CPEB3: variants seen among roughly 807,000 people sequenced by gnomAD.
CPEB3 encodes cytoplasmic polyadenylation element-binding protein 3.
A neutral mutation model predicts 67.2 loss-of-function variants in CPEB3; 20 were observed. The observed-to-expected ratio is 0.30, with a 90% CI of 0.21 to 0.43. The LOEUF is 0.43. CPEB3 is among the 20% of genes least tolerant of loss of function. CPEB3 has a pLI of 1.00. For missense variants in CPEB3, 746 were observed against 968.6 expected (o/e 0.77, Z 3.05); for synonymous variants, 376 against 393.1 (o/e 0.96, Z 0.51).
chr10:92,066,729 C>T (rs1258322138), intron 9 of CPEB3, among the ~76,000 whole-genome samples: 1 of 152,158 alleles, frequency 6.6e-6, no homozygotes, highest in Non-Finnish European at 1.5e-5. Context: ...CCTCCACCAA[C>T]AGACAATACA....
At chr10:92,206,827 G>A (rs560772204) in intron 2 of CPEB3, among the ~76,000 whole-genome samples, 1 of 152,196 alleles carries the variant, frequency 6.6e-6, no homozygotes, top group East Asian at 1.9e-4. Context: ...ACAAACTGAA[G>A]TAAAACAGAT....
chr10:92,274,998 C>T (rs545773145), intron 1 of CPEB3, among the ~76,000 whole-genome samples: 9 of 152,232 alleles, frequency 5.9e-5, no homozygotes, highest in Admixed American at 3.9e-4. Flanking sequence ...CAGGGCCGAA[C>T]CCATGAGAGC....
At chr10:92,248,276 TA>T (rs1283157588) in intron 1 of CPEB3, among the ~76,000 whole-genome samples, 3 of 152,220 alleles carry the variant, frequency 2.0e-5, no homozygotes, top group Non-Finnish European at 4.4e-5. Context: ...CTATATTGTT[TA>T]GGGAATAATG....
At chr10:92,193,319 A>T (rs1407260145) in intron 2 of CPEB3, among the ~76,000 whole-genome samples, 1 of 152,234 alleles carries the variant, frequency 6.6e-6, no homozygotes, top group Non-Finnish European at 1.5e-5. Flanking sequence ...GTAATTGCAG[A>T]GTGACTTTCT....
At chr10:92,187,661 T>C (rs981969074) in intron 3 of CPEB3, among the ~76,000 whole-genome samples, 4 of 152,194 alleles carry the variant, frequency 2.6e-5, no homozygotes, top group East Asian at 1.9e-4. Flanking sequence ...AGTGGTTCCA[T>C]AGGAGCTTAG....
chr10:92,166,363 C>T (rs1489027588), intron 4 of CPEB3, among the ~76,000 whole-genome samples: 2 of 152,162 alleles, frequency 1.3e-5, no homozygotes, highest in Non-Finnish European at 2.9e-5. Context: ...CCCTCCTCGA[C>T]CTCCCAAAGT....
intron 1 of CPEB3, among the ~76,000 whole-genome samples, chr10:92,281,223 T>TA (rs1170047476): frequency 1.3e-5 from 2 of 151,440 alleles, no homozygotes; most frequent in African/African-American, 4.8e-5. Context: ...TGTCTGTTTT[T>TA]AAATTGGGCT....
At position 92,118,743 on chromosome 10, in the gene CPEB3, T is replaced by C. The variant is rs190440225; in HGVS notation, c.1454-7549A>G. ...CTCTGTATCAGAAATGCTGTTCCTT[T>C]GGGAACCACAGGCAAACAAGAGATG... On this transcript the variant is annotated intron_variant, in intron 6 of 9. Coordinates refer to ENST00000265997, the MANE Select transcript of CPEB3 (RefSeq NM_014912.5). 4 of 749,644 alleles carry C rather than the reference T, an allele frequency of 5.3e-6. No homozygotes were observed. In the East Asian group the frequency reaches 9.9e-5, roughly 19 times the overall value. 46.4% of individuals were successfully genotyped at this position (749,644 alleles called of 1,614,324 possible).
chr10:92,123,420 A>G (rs938457711), intron 6 of CPEB3, among the ~76,000 whole-genome samples: 1 of 152,204 alleles, frequency 6.6e-6, no homozygotes, highest in Non-Finnish European at 1.5e-5. Context: ...ATTATTCAAC[A>G]CCTAATAAGC....
chr10:92,099,661 C>A (rs1408046466), intron 7 of CPEB3, among the ~76,000 whole-genome samples: 3 of 146,816 alleles, frequency 2.0e-5, no homozygotes, highest in Non-Finnish European at 4.5e-5. Context: ...CCAGACCAGT[C>A]TAGCCAACAT....
Position 92,089,002 on chromosome 10 carries a change from A to T in CPEB3, c.1687+2828T>A, listed in dbSNP as rs549716549. On this transcript the variant is annotated intron_variant, in intron 8 of 9. Coordinates refer to ENST00000265997, the MANE Select transcript of CPEB3 (RefSeq NM_014912.5). ...CTTCTGAAATCTTTTGACTGTCTGT[A>T]AATGATTACCTCTTTAACATGATAG... is the stretch of plus-strand genomic sequence containing the variant. Among the ~76,000 whole-genome samples the T allele has an allele frequency of 4.7e-4, 72 of 152,346 alleles. 1 individual carries two copies. In the Middle Eastern group the frequency reaches 0.01, roughly 22 times the overall value.
At chr10:92,286,203 G>C (rs992290273) in intron 1 of CPEB3, among the ~76,000 whole-genome samples, 1 of 152,036 alleles carries the variant, frequency 6.6e-6, no homozygotes, top group Admixed American at 6.5e-5. Context: ...CCAAAGTGCT[G>C]GGATTACAGG....
intron 8 of CPEB3, among the ~76,000 whole-genome samples, chr10:92,089,591 C>T (rs1843529200): frequency 6.6e-6 from 1 of 152,092 alleles, no homozygotes; most frequent in Non-Finnish European, 1.5e-5. Flanking sequence ...TTGAAACCAG[C>T]CTGGCCAACA....
At chr10:92,112,772 C>A (rs1406983699) in intron 6 of CPEB3, among the ~76,000 whole-genome samples, 6 of 152,256 alleles carry the variant, frequency 3.9e-5, no homozygotes, top group Admixed American at 3.9e-4. Flanking sequence ...ACTCCCAACT[C>A]TGCTACTAAC....
At chr10:92,145,635 C>CAA (rs35889055) in intron 4 of CPEB3, among the ~76,000 whole-genome samples, 10 of 74,700 alleles carry the variant, frequency 1.3e-4, no homozygotes, top group East Asian at 4.4e-4. Context: ...AACTCAGTCT[C>CAA]AAAAAAAAAA....
At chr10:92,155,095 G>A (rs2133909530) in intron 4 of CPEB3, among the ~76,000 whole-genome samples, 1 of 152,252 alleles carries the variant, frequency 6.6e-6, no homozygotes, top group South Asian at 2.1e-4. Context: ...TGTAGTCCCA[G>A]CTATTTGGGA....
At chr10:92,080,228 G>A (rs1329726581) in intron 9 of CPEB3, among the ~76,000 whole-genome samples, 2 of 150,764 alleles carry the variant, frequency 1.3e-5, no homozygotes, top group Non-Finnish European at 3.0e-5. Context: ...AAAAAGACTT[G>A]GTGCTATTCT....
chr10:92,085,767 G>A (rs747126796), intron 8 of CPEB3, among the ~76,000 whole-genome samples: 4 of 151,934 alleles, frequency 2.6e-5, no homozygotes, highest in Admixed American at 6.6e-5. Context: ...CAGTCACCAC[G>A]CCCAACTCAT....
intron 1 of CPEB3, among the ~76,000 whole-genome samples, chr10:92,254,504 AG>A (rs1039082417): frequency 1.3e-5 from 2 of 152,292 alleles, no homozygotes; most frequent in African/African-American, 4.8e-5. Context: ...GACAATCTGG[AG>A]AGCACCTTGG....
Sources: allele counts gnomAD v4.1 joint callset (sites outside exome capture counted in the v4.1 genomes callset), GRCh38; gene constraint gnomAD v4.1.1; transcripts MANE v1.5; gene names NCBI Gene and HGNC (gene_info 2026-07-23, HGNC 2026-07-21).